The following CSNK1A1 variants were observed in gnomAD, a reference collection of about 807,000 sequenced individuals.
CSNK1A1 encodes the protein casein kinase I isoform alpha.
In CSNK1A1, 7 loss-of-function variants were observed where a neutral mutation model predicts 46.1. That is an observed-to-expected ratio of 0.15 (90% confidence interval 0.09 to 0.29). The LOEUF (loss-of-function observed/expected upper bound fraction) is 0.29, where lower values mean the gene tolerates loss of function less well. CSNK1A1 is among the 10% of genes least tolerant of loss of function. CSNK1A1 has a pLI of 1.00. For synonymous variants in CSNK1A1, 137 were observed against 141.5 expected (o/e 0.97, Z 0.23); for missense variants, 96 against 417.1 (o/e 0.23, Z 6.71).
At chr5:149,532,452 G>A (rs1670340183) in intron 2 of CSNK1A1, among the ~76,000 whole-genome samples, 1 of 151,894 alleles carries the variant, frequency 6.6e-6, no homozygotes, top group African/African-American at 2.4e-5. Context: ...TAGCACTTTG[G>A]GAGGTCGAGG....
Position 149,502,631 on chromosome 5 carries a change from C to T in CSNK1A1, c.1006+2816G>A, listed in dbSNP as rs987539504. 3 of 965,508 alleles carry T rather than the reference C, an allele frequency of 3.1e-6. No homozygotes were observed. In the South Asian group the frequency reaches 1.4e-4, roughly 46 times the overall value. 59.8% of individuals were successfully genotyped at this position (965,508 alleles called of 1,614,324 possible). A position where few individuals can be genotyped will look rare whatever the true frequency, so the allele number is the denominator to read the frequency against. On this transcript the variant is annotated intron_variant, in intron 9 of 9. Transcript: ENST00000377843. ...TCAAGCAATTCTCCCACCTCAGCCT[C>T]CCAAATGTGTTGGAATAACAGGCAT...
In CSNK1A1 at chr5:149,550,526, AC is replaced by A. The variant is rs1312859924; in HGVS notation, c.123+315del. On this transcript the variant is annotated intron_variant, in intron 1 of 9. Coordinates refer to ENST00000377843, the MANE Select transcript of CSNK1A1 (RefSeq NM_001892.6). The surrounding 1 kb of genome is among the most constrained non-coding windows in gnomAD (Gnocchi z 4.3). ...AGAATTAAGAATTAAAAAAAAAAAA[AC>A]ATGGGAATCACTGAAAGAGGATTTT... is the stretch of plus-strand genomic sequence containing the variant. Among the ~76,000 whole-genome samples, 1 of 144,400 alleles carries A rather than the reference AC, an allele frequency of 6.9e-6. No individual in the cohort carries two copies. The highest frequency in any genetic ancestry group is 6.9e-5 in the Admixed American group (1 of 14,486). 94.7% of individuals were successfully genotyped at this position (144,400 alleles called of 152,430 possible). A position where few individuals can be genotyped will look rare whatever the true frequency, so the allele number is the denominator to read the frequency against.
At chr5:149,532,417 G>A (rs1302704975) in intron 2 of CSNK1A1, among the ~76,000 whole-genome samples, 2 of 151,930 alleles carry the variant, frequency 1.3e-5, no homozygotes, top group Admixed American at 6.6e-5. Context: ...TTCTAGCTGG[G>A]TGCAGTGGCT....
intron 2 of CSNK1A1, among the ~76,000 whole-genome samples, chr5:149,536,435 T>G (rs62377968): frequency 0.018 from 2,816 of 152,224 alleles, 43 homozygotes; most frequent in Non-Finnish European, 0.027. Context: ...GTATTCTAGA[T>G]AAGAAACTGT....
chr5:149,524,690 A>G lies in CSNK1A1; in HGVS notation c.357+355T>C, dbSNP rs1761675230. 2.0e-5 allele frequency among the ~76,000 whole-genome samples: 3 copies of G among 152,170 alleles called. No individual in the cohort carries two copies. The South Asian group carries it at 6.2e-4, about 31-fold the overall frequency. ...TCCCACACATAATACATAATATTCA[A>G]TTTTGCTTAATTTAACCAAAATGTC... is the stretch of plus-strand genomic sequence containing the variant. On this transcript the variant is annotated intron_variant, in intron 3 of 9. Transcript: ENST00000377843.
In CSNK1A1 at chr5:149,498,216, C is replaced by T. The variant is rs577315251; in HGVS notation, c.1007-1356G>A. 3.4e-5 allele frequency: 33 copies of T among 984,778 alleles called. No homozygotes were observed. In the African/African-American group the frequency reaches 5.2e-4, roughly 16 times the overall value. The allele number at this position is 984,778 out of a possible 1,614,324, so 61.0% of individuals were successfully genotyped here. A position where few individuals can be genotyped will look rare whatever the true frequency, so the allele number is the denominator to read the frequency against. On this transcript the variant is annotated intron_variant, in intron 9 of 9. Coordinates refer to ENST00000377843, the MANE Select transcript of CSNK1A1 (RefSeq NM_001892.6). ...ATAATTCTAATATTTATTTCTTATGCATATATGCCCCTTTTTTTTTTTGGG... is the reference window on the plus strand; with the variant it reads ...ATAATTCTAATATTTATTTCTTATGTATATATGCCCCTTTTTTTTTTTGGG...
chr5:149,529,640 A>G (rs1047240947), intron 2 of CSNK1A1: 9 of 454,792 alleles, frequency 2.0e-5, no homozygotes, highest in Non-Finnish European at 3.5e-5. Context: ...ATGGGCTGTC[A>G]TAAAGGGAAG....
At position 149,497,450 on chromosome 5, in the gene CSNK1A1, A is replaced by C. The variant is rs571718459; in HGVS notation, c.1007-590T>G. On this transcript the variant is annotated intron_variant, in intron 9 of 9. Transcript: ENST00000377843. ...TTGTGACTCATTTAAAAATGTAAGC[A>C]AGTGATGCTTTTTTGGCTTTATTTA... The C allele has an allele frequency of 3.3e-5, 33 of 986,048 alleles. No individual in the cohort carries two copies. In the African/African-American group the frequency reaches 5.2e-4, roughly 16 times the overall value. The allele number at this position is 986,048 out of a possible 1,614,324, so 61.1% of individuals were successfully genotyped here. A position where few individuals can be genotyped will look rare whatever the true frequency, so the allele number is the denominator to read the frequency against.
chr5:149,518,673 A>C (rs2113108975), intron 4 of CSNK1A1, among the ~76,000 whole-genome samples: 1 of 152,258 alleles, frequency 6.6e-6, no homozygotes, highest in African/African-American at 2.4e-5. Flanking sequence ...GCAGCTCCAC[A>C]AAATTATTTT....
At chr5:149,515,252 G>A (rs1348276665) in intron 4 of CSNK1A1, among the ~76,000 whole-genome samples, 1 of 152,196 alleles carries the variant, frequency 6.6e-6, no homozygotes, top group Non-Finnish European at 1.5e-5. Flanking sequence ...ACTTTAAAAT[G>A]AAGGACAAAA....
At chr5:149,545,258 C>T (rs781473990) in intron 2 of CSNK1A1, 3 of 223,448 alleles carry the variant, frequency 1.3e-5, no homozygotes, top group Non-Finnish European at 2.6e-5. Context: ...AATTTTCTTT[C>T]TTTTTTTTTC....
rs531189706 is a variant in CSNK1A1 at position 149,521,213 on chromosome 5, G to C, written c.358-825C>G. ...AGTTGAAGGGTGTATTTTTCATTTT[G>C]ATAGATAATATCACACTGCCTTCCA... On this transcript the variant is annotated intron_variant, in intron 3 of 9. Transcript: ENST00000377843. 5.3e-5 allele frequency among the ~76,000 whole-genome samples: 8 copies of C among 150,766 alleles called. No individual in the cohort carries two copies. The East Asian group carries it at 1.4e-3, about 26-fold the overall frequency.
chr5:149,538,243 A>C (rs181149712), intron 2 of CSNK1A1, among the ~76,000 whole-genome samples: 2 of 152,020 alleles, frequency 1.3e-5, no homozygotes, highest in East Asian at 3.9e-4. Context: ...GCTGGTCTCG[A>C]ACTCCCGACC....
In CSNK1A1 at chr5:149,493,438, C is replaced by T. The variant is rs1760576617; in HGVS notation, c.*3415G>A. 6.7e-6 allele frequency: 1 copy of T among 149,064 alleles called. No individual in the cohort carries two copies. Among genetic ancestry groups the T allele is most frequent in the African/African-American group, 2.5e-5 (1 of 40,300 alleles). 9.2% of individuals were successfully genotyped at this position (149,064 alleles called of 1,614,324 possible). The stretch of plus-strand genomic sequence containing the variant: ...GTTCCAGGTTCATCTCATATTTCTC[C>T]ATCCCAGGAGCCATTATTACTCTAC... On this transcript the variant is annotated 3_prime_UTR_variant, in exon 10 of 10. Coordinates refer to ENST00000377843, the MANE Select transcript of CSNK1A1 (RefSeq NM_001892.6).
At chr5:149,549,520 G>C (rs1762590109) in intron 2 of CSNK1A1, 9 of 702,140 alleles carry the variant, frequency 1.3e-5, no homozygotes, top group Non-Finnish European at 2.3e-5. Context: ...GCTGCTAAAG[G>C]AGGAATCAAG....
At chr5:149,542,667 TATATGTATATATATATATATATA>T (rs1762332109) in intron 2 of CSNK1A1, among the ~76,000 whole-genome samples, 2 of 11,554 alleles carry the variant, frequency 1.7e-4, no homozygotes, top group Non-Finnish European at 2.9e-4. Context: ...TATATATATA[TATATGTATATATATATATATATA>T]TATTTTTTTT....
In CSNK1A1 at chr5:149,507,108, T is replaced by A. The variant is rs188200739; in HGVS notation, c.776A>T (p.Tyr259Phe). 1 of 1,613,636 alleles carries A rather than the reference T, an allele frequency of 6.2e-7. No individual in the cohort carries two copies. The highest frequency in any genetic ancestry group is 1.3e-5 in the African/African-American group (1 of 75,052). ...CKGFPAEFAM[Y>F]LNYCRGLRFE... ...GCGTAGCCCACGACAATAGTTTAAG[T>A]ACATCGCAAATTCTGCAGGAAACCC... is the stretch of plus-strand genomic sequence containing the variant. Residue 259 changes from tyrosine (Y) to phenylalanine (F), a missense_variant, in exon 8 of 10, where the codon TAC (tyrosine) becomes TTC (phenylalanine). By Grantham distance (22) the Tyr-to-Phe change is conservative. Transcript: ENST00000377843.
chr5:149,544,817 T>C (rs1385505374), intron 2 of CSNK1A1, among the ~76,000 whole-genome samples: 1 of 145,044 alleles, frequency 6.9e-6, no homozygotes, highest in Non-Finnish European at 1.5e-5. Context: ...AGTAGGCTAG[T>C]AGTAGTTAAG....
intron 9 of CSNK1A1, chr5:149,498,132 TC>T: frequency 1.0e-6 from 1 of 985,422 alleles, no homozygotes; most frequent in Non-Finnish European, 1.2e-6. Flanking sequence ...GTGCCCAGCT[TC>T]TTTTACTTTT....
Sources: gnomAD v4.1 joint callset for allele counts (sites outside exome capture counted in the v4.1 genomes callset) on GRCh38, gnomAD v4.1.1 for gene constraint, Gnocchi (gnomAD v3.1) non-coding constraint, MANE v1.5 for transcripts, NCBI Gene and HGNC (gene_info 2026-07-23, HGNC 2026-07-21) for gene names.